Variants in SAMD5 observed in about 807,000 individuals in gnomAD.
The protein encoded by SAMD5 is sterile alpha motif domain containing 5, also known as sterile alpha motif domain-containing protein 5.
SAMD5 carries 13 observed loss-of-function variants against 11.3 expected under a neutral mutation model. The ratio of observed to expected loss-of-function variants is 1.15; its 90% CI spans 0.75 to 1.83. The LOEUF (loss-of-function observed/expected upper bound fraction) is 1.83. SAMD5 is among the 40% of genes most tolerant of loss of function. The probability of loss-of-function intolerance (pLI) is 0.00; values close to 1 mark genes in which losing one functional copy is unlikely to be tolerated. For synonymous variants in SAMD5, 129 were observed against 111.3 expected (o/e 1.16, Z -1.00); for missense variants, 255 against 239.1 (o/e 1.07, Z -0.44).
At chr6:147,801,946 T>C in the SAMD5 span, among the ~76,000 whole-genome samples, 2 of 152,156 alleles carry the variant, frequency 1.3e-5, no homozygotes, top group Admixed American at 1.3e-4. Context: ...ACATAAAAGC[T>C]ATAACTATAA....
the SAMD5 span, among the ~76,000 whole-genome samples, chr6:147,917,011 A>T: frequency 6.8e-6 from 1 of 147,016 alleles, no homozygotes; most frequent in African/African-American, 2.6e-5. Flanking sequence ...GTGCCACAAT[A>T]AACATACATG....
the SAMD5 span, among the ~76,000 whole-genome samples, chr6:147,896,359 A>AGCTGGG: frequency 3.4e-5 from 5 of 146,248 alleles, no homozygotes; most frequent in Non-Finnish European, 7.5e-5. Context: ...CTGGACTCTG[A>AGCTGGG]GCTGGGGCTG....
the SAMD5 span, among the ~76,000 whole-genome samples, chr6:147,897,210 C>T: frequency 6.6e-6 from 1 of 152,166 alleles, no homozygotes; most frequent in Non-Finnish European, 1.5e-5. Context: ...ATAGCCCCAG[C>T]TTTACATGCT....
the SAMD5 span, among the ~76,000 whole-genome samples, chr6:147,800,870 T>C: frequency 6.6e-6 from 1 of 152,264 alleles, no homozygotes; most frequent in Middle Eastern, 3.4e-3. Flanking sequence ...TTTCATAAAA[T>C]GAAACTATTC....
At chr6:147,598,414 G>T (rs56367919) in intron 1 of SAMD5, among the ~76,000 whole-genome samples, 1 of 152,056 alleles carries the variant, frequency 6.6e-6, no homozygotes, top group South Asian at 2.1e-4. Context: ...ATGAGCCACC[G>T]TGGCTAGCAT....
chr6:147,739,109 G>A (rs142248041), downstream of SAMD5, among the ~76,000 whole-genome samples: 1 of 152,290 alleles, frequency 6.6e-6, no homozygotes, highest in Non-Finnish European at 1.5e-5. Context: ...TGGGGAAAAA[G>A]CATCACAGTA....
chr6:147,540,557 TAAC>T (rs925429283), intron 1 of SAMD5, among the ~76,000 whole-genome samples: 8 of 152,284 alleles, frequency 5.3e-5, no homozygotes, highest in African/African-American at 1.9e-4. Flanking sequence ...GCAAAGTTTG[TAAC>T]TGACCAGCCT....
chr6:147,748,329 C>T, the SAMD5 span, among the ~76,000 whole-genome samples: 11 of 152,238 alleles, frequency 7.2e-5, no homozygotes, highest in South Asian at 6.2e-4. Flanking sequence ...CAGATTCTAC[C>T]GCTAACCAGT....
chr6:147,930,683 G>A, the SAMD5 span, among the ~76,000 whole-genome samples: 3 of 152,202 alleles, frequency 2.0e-5, no homozygotes, highest in South Asian at 2.1e-4. Context: ...TAGGCCAGAG[G>A]CCTGAGAGCC....
intron 1 of SAMD5, among the ~76,000 whole-genome samples, chr6:147,585,284 CA>C (rs969198561): frequency 1.3e-5 from 2 of 152,064 alleles, no homozygotes; most frequent in African/African-American, 4.8e-5. Context: ...GAGATAACTC[CA>C]AATGCCACTG....
chr6:147,553,780 C>T (rs1471452357), intron 1 of SAMD5, among the ~76,000 whole-genome samples: 5 of 152,078 alleles, frequency 3.3e-5, no homozygotes, highest in Admixed American at 3.3e-4. Flanking sequence ...TTTATAAGCA[C>T]TGTTCTTTTA....
the SAMD5 span, among the ~76,000 whole-genome samples, chr6:147,768,158 G>T: frequency 6.6e-6 from 1 of 152,268 alleles, no homozygotes; most frequent in African/African-American, 2.4e-5. Flanking sequence ...ATACAGCTAG[G>T]TGTACCAATC....
At chr6:147,616,131 T>TTATATATTTCATATATATTTATTCA (rs1199731383) in intron 1 of SAMD5, among the ~76,000 whole-genome samples, 3,558 of 128,182 alleles carry the variant, frequency 0.028, 350 homozygotes, top group Middle Eastern at 0.05. Context: ...GATTATTTCA[T>TTATATATTTCATATATATTTATTCA]TATATATTTC....
At chr6:147,763,771 A>G in the SAMD5 span, among the ~76,000 whole-genome samples, 998 of 151,678 alleles carry the variant, frequency 6.6e-3, 7 homozygotes, top group Non-Finnish European at 0.01. Flanking sequence ...TTTAGTAGAG[A>G]CGGGGTTTCA....
rs1394670206 is a variant in SAMD5 at position 147,564,385 on chromosome 6, A to G, written c.460-9A>G. The G allele has an allele frequency of 1.3e-6, 1 of 780,696 alleles. No homozygotes were observed. Among genetic ancestry groups the G allele is most frequent in the Non-Finnish European group, 2.4e-6 (1 of 417,988 alleles). 48.4% of individuals were successfully genotyped at this position (780,696 alleles called of 1,614,324 possible). A position where few individuals can be genotyped will look rare whatever the true frequency, so the allele number is the denominator to read the frequency against. On this transcript the variant is annotated splice_polypyrimidine_tract_variant and intron_variant, in intron 1 of 1. Coordinates refer to ENST00000367474, the MANE Select transcript of SAMD5 (RefSeq NM_001030060.3). ...AACTTCAATAACCCAGATATGTTCA[A>G]ATCCACAGGTCCCAATGGCTGGCAT...
At chr6:147,652,195 T>C (rs1790495481) in intron 1 of SAMD5, among the ~76,000 whole-genome samples, 1 of 152,216 alleles carries the variant, frequency 6.6e-6, no homozygotes, top group African/African-American at 2.4e-5. Flanking sequence ...TTTCTGGTTA[T>C]ATGTCCTTTA....
Position 147,569,347 on chromosome 6 carries a change from T to TGA in SAMD5, c.*4896_*4897dup, listed in dbSNP as rs993512455. 4.1e-6 allele frequency: 3 copies of TGA among 725,048 alleles called. No homozygotes were observed. In the Admixed American group the frequency reaches 1.9e-4, roughly 46 times the overall value. 44.9% of individuals were successfully genotyped at this position (725,048 alleles called of 1,614,324 possible). A position where few individuals can be genotyped will look rare whatever the true frequency, so the allele number is the denominator to read the frequency against. ...AAGTGTTATTTTTTATTACTGCAGT[T>TGA]GAGAGATACCTTTTCAGAGGAAAAC... On this transcript the variant is annotated 3_prime_UTR_variant, in exon 2 of 2. Coordinates refer to ENST00000367474, the MANE Select transcript of SAMD5 (RefSeq NM_001030060.3).
the SAMD5 span, among the ~76,000 whole-genome samples, chr6:147,811,763 A>G: frequency 6.6e-6 from 1 of 152,232 alleles, no homozygotes; most frequent in South Asian, 2.1e-4. Context: ...AGTCACTGGA[A>G]GGATTGTGTA....
In SAMD5 at chr6:147,710,412, T is replaced by A. The variant is rs1442704696; in HGVS notation, c.163-26905T>A. Among the ~76,000 whole-genome samples, 4 of 152,370 alleles carry A rather than the reference T, an allele frequency of 2.6e-5. No individual in the cohort carries two copies. In the East Asian group the frequency reaches 7.7e-4, roughly 29 times the overall value. On this transcript the variant is annotated intron_variant, in intron 1 of 1. Coordinates refer to the SAMD5 transcript ENST00000566741. ...AATAGTTCATAAGTTTTCAATTGCA[T>A]GCCATTTTGAGAAATGTGGTGAAAT...
Sources: allele counts gnomAD v4.1 joint callset (sites outside exome capture counted in the v4.1 genomes callset), GRCh38; gene constraint gnomAD v4.1.1; transcripts MANE v1.5; gene names NCBI Gene and HGNC (gene_info 2026-07-23, HGNC 2026-07-21).